The following N4BP2 variants were observed in gnomAD, a reference collection of about 807,000 sequenced individuals.
The protein encoded by N4BP2 is NEDD4 binding protein 2, also known as NEDD4-binding protein 2.
N4BP2 carries 91 observed loss-of-function variants against 152.8 expected under a neutral mutation model. That is an observed-to-expected ratio of 0.60 (90% CI 0.50 to 0.71). The LOEUF (loss-of-function observed/expected upper bound fraction) is 0.71, where lower values mean the gene tolerates loss of function less well. Among genes scored for constraint, N4BP2 ranks in the 30% least tolerant of loss-of-function variants. N4BP2 has a pLI of 0.00. For synonymous variants in N4BP2, 646 were observed against 705.3 expected, an observed-to-expected ratio of 0.92 and a Z score of 1.33; for missense variants, 1,923 against 2,059.1, an observed-to-expected ratio of 0.93 and a Z score of 1.28.
At chr4:40,182,612 G>A in the N4BP2 span, among the ~76,000 whole-genome samples, 1 of 151,850 alleles carries the variant, frequency 6.6e-6, no homozygotes, top group Non-Finnish European at 1.5e-5. Context: ...ACCATGCCGG[G>A]CTAAAATTTT....
chr4:40,057,843 T>C (rs1462721289), intron 1 of N4BP2, among the ~76,000 whole-genome samples: 1 of 152,206 alleles, frequency 6.6e-6, no homozygotes. Flanking sequence ...CAGTGTTGGC[T>C]TCAAAGGCTC....
intron 16 of N4BP2, among the ~76,000 whole-genome samples, chr4:40,150,607 G>A (rs544095979): frequency 1.3e-5 from 2 of 151,810 alleles, no homozygotes; most frequent in Non-Finnish European, 2.9e-5. Context: ...GGAGTCAGAG[G>A]CTGCAGTGAA....
chr4:40,113,494 AAAGG>A lies in N4BP2; in HGVS notation c.1653_1656del (p.Lys551AsnfsTer10), dbSNP rs772260317. ...CAGACACATGGTGGAAGTTTAAACC[AAAGG>A]AACTTGCAAGGTAAAACTTGGAGGC... is the stretch of plus-strand genomic sequence containing the variant. On this transcript the variant is annotated frameshift_variant, in exon 7 of 18. Coordinates refer to ENST00000261435, the MANE Select transcript of N4BP2 (RefSeq NM_018177.6). LOFTEE classifies it high-confidence loss of function. 1.2e-5 allele frequency: 20 copies of A among 1,612,950 alleles called. No homozygotes were observed. Among genetic ancestry groups the A allele is most frequent in the Non-Finnish European group, 1.6e-5 (19 of 1,179,256 alleles).
At chr4:40,058,117 A>G (rs1733370649) in intron 1 of N4BP2, among the ~76,000 whole-genome samples, 1 of 152,220 alleles carries the variant, frequency 6.6e-6, no homozygotes, top group Non-Finnish European at 1.5e-5. Context: ...TCAGAAAACA[A>G]TGACTGATTT....
At chr4:40,145,014 T>C (rs1419398903) in intron 16 of N4BP2, among the ~76,000 whole-genome samples, 2 of 152,228 alleles carry the variant, frequency 1.3e-5, no homozygotes, top group Non-Finnish European at 2.9e-5. Context: ...ATTCCTGTGC[T>C]GTATTTATTA....
rs74860697 is a variant in N4BP2 at position 40,132,780 on chromosome 4, T to G, written c.4646+861T>G. The stretch of plus-strand genomic sequence containing the variant: ...TTTTGATCTTTAGTTTATTAATATA[T>G]TTCATATCAATCACAATAATGGATT... On this transcript the variant is annotated intron_variant, in intron 13 of 17. Coordinates refer to ENST00000261435, the MANE Select transcript of N4BP2 (RefSeq NM_018177.6). Among the ~76,000 whole-genome samples, 1,479 of 152,240 alleles carry G rather than the reference T, an allele frequency of 9.7e-3. 32 individuals carry two copies. The highest frequency in any genetic ancestry group is 0.033 in the African/African-American group (1,369 of 41,552).
intron 2 of N4BP2, among the ~76,000 whole-genome samples, chr4:40,096,372 G>T (rs538584981): frequency 6.6e-6 from 1 of 152,302 alleles, no homozygotes; most frequent in South Asian, 2.1e-4. Context: ...TCAGTAGAGG[G>T]AACCAAGGTG....
chr4:40,099,759 C>G (rs1212423273), intron 3 of N4BP2, among the ~76,000 whole-genome samples: 1 of 151,820 alleles, frequency 6.6e-6, no homozygotes, highest in Admixed American at 6.6e-5. Context: ...TGATAAGTAC[C>G]TATCCATTTT....
chr4:40,170,996 A>C, the N4BP2 span, among the ~76,000 whole-genome samples: 1 of 152,232 alleles, frequency 6.6e-6, no homozygotes, highest in African/African-American at 2.4e-5. Flanking sequence ...TTTCTTGGCA[A>C]CTTGTTTGAG....
chr4:40,152,952 T>C (rs755398579), intron 17 of N4BP2, 49 bp downstream of exon 17: 1 of 1,581,046 alleles, frequency 6.3e-7, no homozygotes, highest in Admixed American at 1.7e-5. Context: ...CATATAGATC[T>C]TTATCAGATA....
intron 1 of N4BP2, among the ~76,000 whole-genome samples, chr4:40,059,121 G>A (rs1233186573): frequency 6.6e-6 from 1 of 151,880 alleles, no homozygotes; most frequent in Admixed American, 6.6e-5. Context: ...CGCCCGCCCG[G>A]CCGTTTTAAA....
In N4BP2 at chr4:40,138,098, T is replaced by C. The variant is rs528739659; in HGVS notation, c.4785+1016T>C. 9.8e-5 allele frequency among the ~76,000 whole-genome samples: 15 copies of C among 152,290 alleles called. No individual in the cohort carries two copies. In the South Asian group the frequency reaches 2.3e-3, roughly 23 times the overall value. ...TCTAGTGTCATGAAGGCTGCAAAAA[T>C]TCCAGTGGCAGAATACAGAAAATAA... On this transcript the variant is annotated intron_variant, in intron 14 of 17. Transcript: ENST00000261435.
rs138016525 is a variant in N4BP2 at position 40,142,758 on chromosome 4, C to T, written c.4871C>T (p.Ala1624Val). 62 of 1,613,786 alleles carry T rather than the reference C, an allele frequency of 3.8e-5. No homozygotes were observed. The highest frequency in any genetic ancestry group is 5.1e-5 in the Non-Finnish European group (60 of 1,179,872). ...FEYPDYDDYR[A>V]EAFLHQQKRM... ...TACCCAGACTATGATGACTACAGAG[C>T]AGAGGCTTTCCTTCACCAACAGAAG... The change falls in exon 15 of 18, where the codon GCA (alanine) becomes GTA (valine). Residue 1624 changes from alanine to valine, a missense_variant. Coordinates refer to ENST00000261435, the MANE Select transcript of N4BP2 (RefSeq NM_018177.6).
Position 40,097,485 on chromosome 4 carries a change from G to GAACT in N4BP2, c.146_149dup (p.Phe51ThrfsTer11). 1 of 1,614,048 alleles carries GAACT rather than the reference G, an allele frequency of 6.2e-7. No individual in the cohort carries two copies. ...GGGTGAGACAAAAGTTGATCAGGAAGAACTCTTCACCAGTATCTCAGAGAT... is the reference window on the plus strand; with the variant it reads ...GGGTGAGACAAAAGTTGATCAGGAAGAACTAACTCTTCACCAGTATCTCAGAGAT... On this transcript the variant is annotated frameshift_variant, in exon 3 of 18. Transcript: ENST00000261435. LOFTEE classifies it high-confidence loss of function.
Position 40,121,959 on chromosome 4 carries a change from A to G in N4BP2, c.3848A>G (p.His1283Arg). ...ETGDNIHSPS[H>R]FSDIFNFVSS... Reference sequence around the variant, plus strand: ...GGAGACAACATACATTCTCCTTCACATTTCTCTGATATTTTTAACTTTGTA... The same window carrying G: ...GGAGACAACATACATTCTCCTTCACGTTTCTCTGATATTTTTAACTTTGTA... Residue 1283 changes from histidine to arginine, a missense_variant, in exon 9 of 18, where the codon CAT becomes CGT. His to Arg is a conservative substitution (Grantham distance 29). Transcript: ENST00000261435. 3 of 1,561,936 alleles carry G rather than the reference A, an allele frequency of 1.9e-6. No homozygotes were observed. Among genetic ancestry groups the G allele is most frequent in the Non-Finnish European group, 2.6e-6 (3 of 1,156,794 alleles).
intron 1 of N4BP2, among the ~76,000 whole-genome samples, chr4:40,065,254 G>C (rs577359671): frequency 6.6e-6 from 1 of 152,164 alleles, no homozygotes; most frequent in Non-Finnish European, 1.5e-5. Context: ...ACTTGATCTT[G>C]AAAGCTATAG....
the N4BP2 span, among the ~76,000 whole-genome samples, chr4:40,177,975 T>C: frequency 6.6e-6 from 1 of 152,058 alleles, no homozygotes; most frequent in Non-Finnish European, 1.5e-5. Context: ...GATGAGGCAT[T>C]TAACTTAAGC....
rs1553920145 is a variant in N4BP2, at chr4:40,090,952, A to AGTTGT, written c.-114-6275_-114-6274insGTTGT. 3.6e-4 allele frequency among the ~76,000 whole-genome samples: 36 copies of AGTTGT among 100,074 alleles called. 2 individuals are homozygous for AGTTGT. The highest frequency in any genetic ancestry group is 1.2e-3 in the African/African-American group (31 of 26,308). 65.7% of individuals were successfully genotyped at this position (100,074 alleles called of 152,430 possible). A position where few individuals can be genotyped will look rare whatever the true frequency, so the allele number is the denominator to read the frequency against. Reference sequence around the variant, plus strand: ...AGTCTCAAAAAAAAAAAAAAAAAAAAAGTTTATAAGATCCTATTGAGGTTA... The same window carrying AGTTGT: ...AGTCTCAAAAAAAAAAAAAAAAAAAAGTTGTAGTTTATAAGATCCTATTGAGGTTA... On this transcript the variant is annotated intron_variant, in intron 2 of 17. Coordinates refer to ENST00000261435, the MANE Select transcript of N4BP2 (RefSeq NM_018177.6).
At chr4:40,079,725 A>G (rs752870677) in intron 2 of N4BP2, among the ~76,000 whole-genome samples, 4 of 152,106 alleles carry the variant, frequency 2.6e-5, no homozygotes, top group Non-Finnish European at 5.9e-5. Context: ...TTGCTTAAGC[A>G]TGGGCAGTTG....
Sources: allele counts gnomAD v4.1 joint callset (sites outside exome capture counted in the v4.1 genomes callset), GRCh38; gene constraint gnomAD v4.1.1; transcripts MANE v1.5; gene names NCBI Gene and HGNC (gene_info 2026-07-23, HGNC 2026-07-21).